Variants in ANKRD16 observed in about 807,000 individuals in gnomAD.
The protein encoded by ANKRD16 is ankyrin repeat domain 16.
In ANKRD16, 35 loss-of-function variants were observed where a neutral mutation model predicts 37.9. The ratio of observed to expected loss-of-function variants is 0.92; its 90% CI spans 0.71 to 1.23. ANKRD16 has a LOEUF of 1.23. Among genes scored for constraint, ANKRD16 ranks in the 50% most tolerant of loss-of-function variants. ANKRD16 has a pLI of 0.00. For missense variants in ANKRD16, 480 were observed against 469.9 expected (o/e 1.02, Z -0.20); for synonymous variants, 206 against 197.2 (o/e 1.04, Z -0.37).
rs764321371 is a variant in ANKRD16, at chr10:5,883,049, C to T, written c.806G>A (p.Arg269Lys). The T allele has an allele frequency of 1.2e-6, 2 of 1,614,030 alleles. No homozygotes were observed. Among genetic ancestry groups the T allele is most frequent in the South Asian group, 1.1e-5 (1 of 91,080 alleles). Reference sequence around the variant, plus strand: ...TGCTGTGAGGTGGGTTGATGTGGCTCTCACATCTACATCGACGCCAAGTTC... The same window carrying T: ...TGCTGTGAGGTGGGTTGATGTGGCTTTCACATCTACATCGACGCCAAGTTC... ...VSELGVDVDVRATSTHLTALH... is the reference protein window; with the variant it reads ...VSELGVDVDVKATSTHLTALH... Residue 269 changes from arginine (R) to lysine (K), a missense_variant, in exon 5 of 8, where the codon AGA (arginine) becomes AAA (lysine). Arg to Lys is a conservative substitution (Grantham distance 26). Coordinates refer to ENST00000380094, the MANE Select transcript of ANKRD16 (RefSeq NM_019046.3).
intron 3 of ANKRD16, among the ~76,000 whole-genome samples, chr10:5,885,496 C>G (rs1380990973): frequency 1.3e-5 from 2 of 152,018 alleles, no homozygotes; most frequent in Non-Finnish European, 2.9e-5. Context: ...TGTATAAATG[C>G]TCGTTGAAAA....
rs1841957256 is a variant in ANKRD16 at position 5,862,462 on chromosome 10, T to G, written c.*263A>C. The G allele has an allele frequency of 2.1e-6, 1 of 476,882 alleles. No homozygotes were observed. The highest frequency in any genetic ancestry group is 2.0e-5 in the African/African-American group (1 of 49,732). The allele number at this position is 476,882 out of a possible 1,614,324, so 29.5% of individuals were successfully genotyped here. On this transcript the variant is annotated 3_prime_UTR_variant, in exon 8 of 8. Transcript: ENST00000380094. This position sits in a 1 kb window ranked among gnomAD's most constrained non-coding sequence, Gnocchi z 6.5. Reference sequence around the variant, plus strand: ...GACTCTTCCAGTCAATGGTTGGTGATGTCATCAGCAACCATTTTTGGAGAC... The same window carrying G: ...GACTCTTCCAGTCAATGGTTGGTGAGGTCATCAGCAACCATTTTTGGAGAC...
intron 7 of ANKRD16, among the ~76,000 whole-genome samples, chr10:5,876,019 G>A (rs1460696854): frequency 6.6e-6 from 1 of 152,180 alleles, no homozygotes; most frequent in East Asian, 1.9e-4. Context: ...AAGTAGCTGG[G>A]ATTACAGGCG....
At chr10:5,885,676 T>C (rs776912455) in intron 3 of ANKRD16, 47 bp downstream of exon 3, 16 of 1,607,760 alleles carry the variant, frequency 1.0e-5, no homozygotes, top group Non-Finnish European at 7.7e-6. Flanking sequence ...ATCAACTCTT[T>C]GTCATAGTTA....
rs1842471946 is a variant in ANKRD16, at chr10:5,887,937, C to CT, written c.444_445insA (p.Asp149ArgfsTer23). 1.9e-6 allele frequency: 3 copies of CT among 1,614,156 alleles called. No homozygotes were observed. The East Asian group carries it at 6.7e-5, about 36-fold the overall frequency. On this transcript the variant is annotated frameshift_variant, in exon 2 of 8. Coordinates refer to ENST00000380094, the MANE Select transcript of ANKRD16 (RefSeq NM_019046.3). LOFTEE classifies it high-confidence loss of function. Reference sequence around the variant, plus strand: ...AGCAGGTACTGGAGGATCAGAGGGTCGCCTTCTCGACTGGCAATGTGGAAA... The same window carrying CT: ...AGCAGGTACTGGAGGATCAGAGGGTCTGCCTTCTCGACTGGCAATGTGGAAA...
chr10:5,888,005 T>A lies in ANKRD16; in HGVS notation c.377A>T (p.His126Leu), dbSNP rs1480618516. ...NLGVIQELVE[H>L]GANPLLKNKD... ...GTTCTTCAGGAGTGGATTGGCGCCA[T>A]GTTCCACCAGCTCCTGGATCACCCC... Residue 126 changes from histidine to leucine, a missense_variant, in exon 2 of 8, where the codon CAT becomes CTT. Transcript: ENST00000380094. 1.9e-6 allele frequency: 3 copies of A among 1,614,176 alleles called. No homozygotes were observed. The highest frequency in any genetic ancestry group is 2.5e-6 in the Non-Finnish European group (3 of 1,180,008).
intron 5 of ANKRD16, among the ~76,000 whole-genome samples, chr10:5,881,438 T>TTATATATATATATATATATA (rs869185709): frequency 1.4e-4 from 7 of 50,986 alleles, no homozygotes; most frequent in African/African-American, 2.2e-4. Flanking sequence ...AAAATATTAT[T>TTATATATATATATATATATA]TATATATATA....
chr10:5,877,950 G>T, intron 7 of ANKRD16, 147 bp downstream of exon 7: 1 of 789,352 alleles, frequency 1.3e-6, no homozygotes, highest in Non-Finnish European at 2.0e-6. Flanking sequence ...ATGGAGCTGG[G>T]AACTCAGCCC....
At position 5,865,869 on chromosome 10, in the gene ANKRD16, A is replaced by C. The variant is rs1842006531; in HGVS notation, c.*34-3178T>G. Among the ~76,000 whole-genome samples, 1 of 152,196 alleles carries C rather than the reference A, an allele frequency of 6.6e-6. No homozygotes were observed. The highest frequency in any genetic ancestry group is 2.4e-5 in the African/African-American group (1 of 41,430). On this transcript the variant is annotated intron_variant, in intron 7 of 7. Coordinates refer to ENST00000380094, the MANE Select transcript of ANKRD16 (RefSeq NM_019046.3). The surrounding 1 kb of genome is among the most constrained non-coding windows in gnomAD (Gnocchi z 4.7). ...CAGCCTTAAGCCTTCCCACAGGACA[A>C]AACTTCTCTTTATACATCACAGAGA...
rs150903081 is a variant in ANKRD16 at position 5,870,334 on chromosome 10, C to T, written c.*34-7643G>A. ...CAGTGCACCCGCACAGTGAGGTCAG[C>T]GTTGGCTCTTGGCCTCTCTTCCCTG... On this transcript the variant is annotated intron_variant, in intron 7 of 7. Transcript: ENST00000380094. The surrounding 1 kb of genome is among the most constrained non-coding windows in gnomAD (Gnocchi z 5.0). Among the ~76,000 whole-genome samples the T allele has an allele frequency of 0.012, 1,749 of 152,002 alleles. 12 individuals carry two copies. The highest frequency in any genetic ancestry group is 0.028 in the Middle Eastern group (8 of 290).
Position 5,869,554 on chromosome 10 carries a change from C to T in ANKRD16, c.*34-6863G>A, listed in dbSNP as rs1842058301. Among the ~76,000 whole-genome samples, 1 of 152,114 alleles carries T rather than the reference C, an allele frequency of 6.6e-6. No individual in the cohort carries two copies. The highest frequency in any genetic ancestry group is 1.5e-5 in the Non-Finnish European group (1 of 68,028). ...CAGCTGATCACCTGCTTTCCTATTT[C>T]ACTGAGAAGTCGAAGCACCTAGAAG... On this transcript the variant is annotated intron_variant, in intron 7 of 7. Transcript: ENST00000380094. The surrounding 1 kb of genome is among the most constrained non-coding windows in gnomAD (Gnocchi z 4.0).
intron 5 of ANKRD16, among the ~76,000 whole-genome samples, chr10:5,881,438 T>TTTTATATATATATATATATA (rs1554796692): frequency 2.0e-5 from 1 of 51,026 alleles, no homozygotes; most frequent in Non-Finnish European, 3.8e-5. Context: ...AAAATATTAT[T>TTTTATATATATATATATATA]TATATATATA....
chr10:5,872,254 G>A (rs1302732054), intron 7 of ANKRD16, among the ~76,000 whole-genome samples: 2 of 152,058 alleles, frequency 1.3e-5, no homozygotes, highest in African/African-American at 2.4e-5. Flanking sequence ...TGAGGCGGGC[G>A]CATCACTCGA....
At position 5,869,056 on chromosome 10, in the gene ANKRD16, A is replaced by G. The variant is rs1217165508; in HGVS notation, c.*34-6365T>C. Among the ~76,000 whole-genome samples, 1 of 152,152 alleles carries G rather than the reference A, an allele frequency of 6.6e-6. No individual in the cohort carries two copies. Among genetic ancestry groups the G allele is most frequent in the African/African-American group, 2.4e-5 (1 of 41,410 alleles). Reference sequence around the variant, plus strand: ...CAACACAAATTTGTAAATTTTCTTAAAACATTGAGATGTTTTGCGATTTTT... The same window carrying G: ...CAACACAAATTTGTAAATTTTCTTAGAACATTGAGATGTTTTGCGATTTTT... On this transcript the variant is annotated intron_variant, in intron 7 of 7. Transcript: ENST00000380094. This position sits in a 1 kb window ranked among gnomAD's most constrained non-coding sequence, Gnocchi z 4.0.
chr10:5,880,527 C>A, intron 5 of ANKRD16, 151 bp from the exon 6 acceptor site: 1 of 413,636 alleles, frequency 2.4e-6, no homozygotes, highest in Non-Finnish European at 4.3e-6. Context: ...TGTCTCTCTC[C>A]AAAGATGATT....
Position 5,889,312 on chromosome 10 carries a change from G to T in ANKRD16, c.43C>A (p.Gln15Lys). 1 of 1,343,570 alleles carries T rather than the reference G, an allele frequency of 7.4e-7. No individual in the cohort carries two copies. Among genetic ancestry groups the T allele is most frequent in the Non-Finnish European group, 9.5e-7 (1 of 1,052,608 alleles). The allele number at this position is 1,343,570 out of a possible 1,614,324, so 83.2% of individuals were successfully genotyped here. ...GDPRRLCRLV[Q>K]EGRLRALKEE... Reference sequence around the variant, plus strand: ...TTCAGGGCGCGCAGCCGGCCCTCCTGCACCAGCCTGCAGAGGCGCCGCGGG... The same window carrying T: ...TTCAGGGCGCGCAGCCGGCCCTCCTTCACCAGCCTGCAGAGGCGCCGCGGG... Residue 15 changes from glutamine (Q) to lysine (K), a missense_variant, in exon 1 of 8, where the codon CAG (glutamine) becomes AAG (lysine). Gln to Lys is a moderately conservative substitution (Grantham distance 53). Coordinates refer to ENST00000380094, the MANE Select transcript of ANKRD16 (RefSeq NM_019046.3).
At position 5,861,726 on chromosome 10, in the gene ANKRD16, T is replaced by G. The variant is rs978439117; in HGVS notation, c.*999A>C. The G allele has an allele frequency of 6.6e-6, 1 of 151,894 alleles. No individual in the cohort carries two copies. The highest frequency in any genetic ancestry group is 1.5e-5 in the Non-Finnish European group (1 of 68,038). 9.4% of individuals were successfully genotyped at this position (151,894 alleles called of 1,614,324 possible). ...TATTTACTACACATCAGACACGGTG[T>G]TAAGTGGCTTAGATGAAATGTCTTT... On this transcript the variant is annotated 3_prime_UTR_variant, in exon 8 of 8. Transcript: ENST00000380094.
rs758284404 is a variant in ANKRD16, at chr10:5,862,658, C to T, written c.*67G>A. 1.4e-4 allele frequency: 176 copies of T among 1,289,400 alleles called. No homozygotes were observed. The highest frequency in any genetic ancestry group is 1.7e-4 in the Non-Finnish European group (166 of 988,848). The allele number at this position is 1,289,400 out of a possible 1,614,324, so 79.9% of individuals were successfully genotyped here. ...AAGTTGCACTTGGCTTTCTCTGAGC[C>T]GAAAAACGAAAGGTGCTCAGGCTCC... On this transcript the variant is annotated 3_prime_UTR_variant, in exon 8 of 8. Coordinates refer to ENST00000380094, the MANE Select transcript of ANKRD16 (RefSeq NM_019046.3). This position sits in a 1 kb window ranked among gnomAD's most constrained non-coding sequence, Gnocchi z 6.5.
At chr10:5,875,878 A>C (rs150382820) in intron 7 of ANKRD16, among the ~76,000 whole-genome samples, 324 of 150,896 alleles carry the variant, frequency 2.1e-3, no homozygotes, top group African/African-American at 7.5e-3. Context: ...ATGCCAGGCT[A>C]ATTTTTTTGT....
Sources: allele counts gnomAD v4.1 joint callset (sites outside exome capture counted in the v4.1 genomes callset), GRCh38; gene constraint gnomAD v4.1.1; non-coding constraint Gnocchi (gnomAD v3.1); transcripts MANE v1.5; gene names NCBI Gene and HGNC (gene_info 2026-07-23, HGNC 2026-07-21).